PCDH11X: variants seen among roughly 807,000 people sequenced by gnomAD.
The protein encoded by PCDH11X is protocadherin 11 X-linked.
PCDH11X carries 18 observed loss-of-function variants against 53.3 expected under a neutral mutation model. That is an observed-to-expected ratio of 0.34 (90% confidence interval 0.23 to 0.50). The LOEUF is 0.50. PCDH11X is among the 20% of genes least tolerant of loss of function. The pLI is 0.98. For missense variants in PCDH11X, 570 were observed against 1,032.4 expected (o/e 0.55, Z 6.14); for synonymous variants, 279 against 393.3 (o/e 0.71, Z 3.44).
chrX:91,948,573 A>T (rs2061603378), intron 6 of PCDH11X, among the ~76,000 whole-genome samples: 1 of 110,853 alleles, frequency 9.0e-6, no homozygotes, highest in Non-Finnish European at 1.9e-5. Context: ...TGATACATTT[A>T]TATTAGTTGA....
At position 92,208,536 on chromosome X, in the gene PCDH11X, T is replaced by TATATATATATATATATATATATAC. The variant is rs1408059749; in HGVS notation, c.3114+7082_3114+7083insTATATATATATATATATATATACA. On this transcript the variant is annotated intron_variant, in intron 7 of 10. Coordinates refer to ENST00000682573, the MANE Select transcript of PCDH11X (RefSeq NM_032968.5). ...ATATATATATATATATATATATATA[T>TATATATATATATATATATATATAC]ACAATTTTTTTTAAAGGAGGCTCTT... Among the ~76,000 whole-genome samples, 67 of 80,052 alleles carry TATATATATATATATATATATATAC rather than the reference T, an allele frequency of 8.4e-4. 4 individuals are homozygous for TATATATATATATATATATATATAC. Among genetic ancestry groups the TATATATATATATATATATATATAC allele is most frequent in the African/African-American group, 3.2e-3 (64 of 20,176 alleles). The allele number at this position is 80,052 out of a possible 115,157, so 69.5% of individuals were successfully genotyped here.
intron 6 of PCDH11X, among the ~76,000 whole-genome samples, chrX:92,092,780 G>A (rs2064070347): frequency 9.0e-6 from 1 of 111,635 alleles, no homozygotes; most frequent in Non-Finnish European, 1.9e-5. Context: ...TGATTTCAGG[G>A]TTCCAGGATA....
intron 10 of PCDH11X, among the ~76,000 whole-genome samples, chrX:92,589,373 T>C (rs1018050533): frequency 1.1e-4 from 12 of 111,697 alleles, no homozygotes; most frequent in Non-Finnish European, 2.3e-4. Flanking sequence ...AATAATAATT[T>C]AGCAACTTTT....
intron 10 of PCDH11X, among the ~76,000 whole-genome samples, chrX:92,489,372 A>C (rs1285202481): frequency 1.8e-5 from 2 of 110,887 alleles, no homozygotes; most frequent in Non-Finnish European, 3.8e-5. Flanking sequence ...TTAAATAACT[A>C]ATTAGGCTTG....
chrX:91,998,564 T>G (rs2062457575), intron 6 of PCDH11X, among the ~76,000 whole-genome samples: 2 of 111,407 alleles, frequency 1.8e-5, no homozygotes, highest in Admixed American at 1.9e-4. Context: ...TTATTGTTTT[T>G]TTATCCTATG....
At chrX:92,433,177 A>G (rs1215502639) in intron 9 of PCDH11X, among the ~76,000 whole-genome samples, 2 of 111,212 alleles carry the variant, frequency 1.8e-5, no homozygotes, top group Admixed American at 9.6e-5. Flanking sequence ...GCTACTAGGG[A>G]CTATAAGTCA....
At chrX:91,783,269 C>T (rs1935222979) in intron 1 of PCDH11X, among the ~76,000 whole-genome samples, 1 of 111,044 alleles carries the variant, frequency 9.0e-6, no homozygotes, top group African/African-American at 3.3e-5. Flanking sequence ...GCATAAAACA[C>T]ACTCATTTTC....
chrX:92,068,841 G>A, intron 6 of PCDH11X, among the ~76,000 whole-genome samples: 1 of 110,735 alleles, frequency 9.0e-6, no homozygotes, highest in Non-Finnish European at 1.9e-5. Context: ...TGCCCAGCTA[G>A]ATTCTTGATA....
rs1246763314 is a variant in PCDH11X, at chrX:92,161,488, T to C, written c.3034-39887T>C. On this transcript the variant is annotated intron_variant, in intron 6 of 10. Coordinates refer to ENST00000682573, the MANE Select transcript of PCDH11X (RefSeq NM_032968.5). ...TTGACTTTTGATAACATGATGACAATGTGCCTAGACATGATCTTTTTGCGA... is the reference window on the plus strand; with the variant it reads ...TTGACTTTTGATAACATGATGACAACGTGCCTAGACATGATCTTTTTGCGA... Among the ~76,000 whole-genome samples the C allele has an allele frequency of 4.5e-5, 5 of 110,861 alleles. No individual in the cohort carries two copies. The Admixed American group carries it at 4.9e-4, about 11-fold the overall frequency.
chrX:92,495,096 G>T (rs998478877), intron 10 of PCDH11X, among the ~76,000 whole-genome samples: 5 of 104,958 alleles, frequency 4.8e-5, no homozygotes, highest in African/African-American at 1.7e-4. Context: ...TAATAGTGAG[G>T]TTCCTTGAAT....
chrX:92,426,868 T>C (rs1262216008), intron 9 of PCDH11X, among the ~76,000 whole-genome samples: 1 of 111,166 alleles, frequency 9.0e-6, no homozygotes, highest in Non-Finnish European at 1.9e-5. Context: ...AGATGCAAAG[T>C]ATATAATGAC....
At chrX:92,045,699 G>A (rs1379304411) in intron 6 of PCDH11X, among the ~76,000 whole-genome samples, 1 of 104,947 alleles carries the variant, frequency 9.5e-6, no homozygotes, top group Non-Finnish European at 1.9e-5. Context: ...CAGCACTTTC[G>A]AAGGCCAAGG....
chrX:91,871,985 AT>A (rs1939341793), intron 5 of PCDH11X, among the ~76,000 whole-genome samples: 1 of 111,187 alleles, frequency 9.0e-6, no homozygotes, highest in Admixed American at 9.6e-5. Flanking sequence ...GATCAATGCC[AT>A]TTCAGATATC....
rs921280733 is a variant in PCDH11X, at chrX:91,964,202, G to T, written c.3033+84929G>T. 4.9e-5 allele frequency among the ~76,000 whole-genome samples: 5 copies of T among 103,024 alleles called. 1 individual carries two copies. The highest frequency in any genetic ancestry group is 1.7e-4 in the African/African-American group (4 of 23,885). 89.5% of individuals were successfully genotyped at this position (103,024 alleles called of 115,157 possible). On this transcript the variant is annotated intron_variant, in intron 6 of 10. Transcript: ENST00000682573. Reference sequence around the variant, plus strand: ...GATATCCTGTGTTCTTAAATTGAAAGAATTAATATTGTTAAAATGTCCATA... The same window carrying T: ...GATATCCTGTGTTCTTAAATTGAAATAATTAATATTGTTAAAATGTCCATA...
At chrX:91,792,853 T>G (rs1935601838) in intron 1 of PCDH11X, among the ~76,000 whole-genome samples, 1 of 110,583 alleles carries the variant, frequency 9.0e-6, no homozygotes, top group Admixed American at 9.7e-5. Flanking sequence ...GAAGCAAAAA[T>G]AATTGTGGGT....
chrX:92,273,189 T>G (rs1265512167), intron 8 of PCDH11X, among the ~76,000 whole-genome samples: 2 of 108,500 alleles, frequency 1.8e-5, no homozygotes, highest in Non-Finnish European at 3.8e-5. Context: ...AGAGAGTCAG[T>G]GAAGGGAGAT....
At chrX:91,916,259 C>T (rs1394918128) in intron 6 of PCDH11X, among the ~76,000 whole-genome samples, 1 of 110,489 alleles carries the variant, frequency 9.1e-6, no homozygotes, top group African/African-American at 3.3e-5. Context: ...TAAGGTTGCA[C>T]CTCAAGGAAC....
intron 8 of PCDH11X, among the ~76,000 whole-genome samples, chrX:92,351,233 T>G (rs922311401): frequency 8.9e-6 from 1 of 112,112 alleles, no homozygotes; most frequent in Non-Finnish European, 1.9e-5. Context: ...TCCATCAATT[T>G]AATTCTACTC....
chrX:91,780,109 C>T (rs1569374835), intron 1 of PCDH11X, among the ~76,000 whole-genome samples: 2 of 111,964 alleles, frequency 1.8e-5, no homozygotes, highest in African/African-American at 6.5e-5. Context: ...ACTCGCCCGG[C>T]TGAGAGATTG....
Sources: allele counts gnomAD v4.1 joint callset (sites outside exome capture counted in the v4.1 genomes callset), GRCh38; gene constraint gnomAD v4.1.1; transcripts MANE v1.5; gene names NCBI Gene and HGNC (gene_info 2026-07-23, HGNC 2026-07-21).